Variants in NRG2 observed in about 807,000 individuals in gnomAD.
The protein encoded by NRG2 is pro-neuregulin-2, membrane-bound isoform.
In NRG2, 27 loss-of-function variants were observed where a neutral mutation model predicts 73.9. The ratio of observed to expected loss-of-function variants is 0.37; its 90% CI spans 0.27 to 0.50. NRG2 has a LOEUF of 0.50. Ranked by LOEUF, NRG2 falls within the 20% of genes least tolerant of loss-of-function variation. The pLI, the probability that NRG2 is intolerant of heterozygous loss-of-function variation, is 0.96. For missense variants in NRG2, 1,126 were observed against 1,210.1 expected, an observed-to-expected ratio of 0.93 and a Z score of 1.03; for synonymous variants, 532 against 541.0, an observed-to-expected ratio of 0.98 and a Z score of 0.23.
At chr5:139,957,921 C>T (rs114996437) in intron 1 of NRG2, among the ~76,000 whole-genome samples, 1,995 of 152,200 alleles carry the variant, frequency 0.013, 28 homozygotes, top group Non-Finnish European at 0.022. Context: ...TTTCCACTTC[C>T]TATGGGCGCT....
chr5:139,854,212 A>G (rs775478711), intron 6 of NRG2, among the ~76,000 whole-genome samples: 34 of 152,168 alleles, frequency 2.2e-4, no homozygotes, highest in Non-Finnish European at 3.7e-4. Context: ...ATCCCCCACT[A>G]TGCCCAGCCC....
At position 139,974,077 on chromosome 5, in the gene NRG2, T is replaced by C. The variant is rs74292604; in HGVS notation, c.700+68293A>G. Among the ~76,000 whole-genome samples, 230 of 152,244 alleles carry C rather than the reference T, an allele frequency of 1.5e-3. 4 individuals are homozygous for C. The highest frequency in any genetic ancestry group is 0.013 in the East Asian group (66 of 5,184). On this transcript the variant is annotated intron_variant, in intron 1 of 9. Transcript: ENST00000361474. ...TAAAAATGTTTTTTAAAAGCAAAAC[T>C]AGGAGCCACTTACAATTCCTACATA... is the stretch of plus-strand genomic sequence containing the variant.
chr5:139,931,711 A>G (rs926950192), intron 1 of NRG2, among the ~76,000 whole-genome samples: 2 of 152,254 alleles, frequency 1.3e-5, no homozygotes, highest in African/African-American at 4.8e-5. Context: ...ACATTTTAAA[A>G]TGGATTACAG....
chr5:139,861,331 C>T (rs1338472830), intron 5 of NRG2, among the ~76,000 whole-genome samples: 1 of 152,196 alleles, frequency 6.6e-6, no homozygotes, highest in Non-Finnish European at 1.5e-5. Context: ...AAGGCGAGCA[C>T]GTGGCAATCC....
intron 1 of NRG2, among the ~76,000 whole-genome samples, chr5:139,924,263 ACT>A (rs1751887341): frequency 6.6e-6 from 1 of 152,160 alleles, no homozygotes; most frequent in Admixed American, 6.5e-5. Flanking sequence ...TCAGAACTGA[ACT>A]CTCTCACAAG....
chr5:139,992,461 T>A (rs552945169), intron 1 of NRG2, among the ~76,000 whole-genome samples: 1 of 152,330 alleles, frequency 6.6e-6, no homozygotes, highest in African/African-American at 2.4e-5. Context: ...CTCATTCTTT[T>A]GTCTCTCATT....
chr5:140,042,900 G>A lies in NRG2; in HGVS notation c.170C>T (p.Ser57Phe), dbSNP rs1227624204. 1 of 1,528,684 alleles carries A rather than the reference G, an allele frequency of 6.5e-7. No homozygotes were observed. The highest frequency in any genetic ancestry group is 2.0e-5 in the Admixed American group (1 of 50,360). 94.7% of individuals were successfully genotyped at this position (1,528,684 alleles called of 1,614,324 possible). ...CGGCTCTGGGGGCGCAGCGGGACGA[G>A]AGATGCTGCTGTTGTTGCTGCTGCT... is the stretch of plus-strand genomic sequence containing the variant. ...SRSSSNNSSI[S>F]RPAAPPEPRP... The change falls in exon 1 of 10, where the codon TCT becomes TTT. Residue 57 changes from serine (S) to phenylalanine (F), a missense_variant. By Grantham distance (155) the Ser-to-Phe change is radical. Coordinates refer to ENST00000361474, the MANE Select transcript of NRG2 (RefSeq NM_004883.3).
chr5:139,998,356 TA>T (rs1758184387), intron 1 of NRG2, among the ~76,000 whole-genome samples: 1 of 152,174 alleles, frequency 6.6e-6, no homozygotes, highest in Admixed American at 6.5e-5. Flanking sequence ...TCAACATTTG[TA>T]TATCCAGACC....
intron 1 of NRG2, among the ~76,000 whole-genome samples, chr5:139,924,502 T>A (rs73791245): frequency 0.013 from 1,937 of 152,350 alleles, 30 homozygotes; most frequent in African/African-American, 0.044. Context: ...ATTCCCTTGT[T>A]CATAACTTCT....
chr5:139,934,892 C>T lies in NRG2; in HGVS notation c.701-47381G>A, dbSNP rs536638157. Among the ~76,000 whole-genome samples the T allele has an allele frequency of 1.1e-3, 160 of 152,252 alleles. 1 individual carries two copies. The highest frequency in any genetic ancestry group is 2.7e-3 in the African/African-American group (114 of 41,544). On this transcript the variant is annotated intron_variant, in intron 1 of 9. Coordinates refer to ENST00000361474, the MANE Select transcript of NRG2 (RefSeq NM_004883.3). ...AAGAAATAACAATCCTGGCCGGGCG[C>T]GGTGGCTCATGCCTGTAATCCCAGC...
chr5:139,876,550 C>A (rs1477747256), intron 3 of NRG2, among the ~76,000 whole-genome samples: 1 of 151,900 alleles, frequency 6.6e-6, no homozygotes, highest in Non-Finnish European at 1.5e-5. Flanking sequence ...TTTTGATGAA[C>A]CGTTAGTGTC....
intron 1 of NRG2, among the ~76,000 whole-genome samples, chr5:139,896,101 C>T (rs961849076): frequency 3.9e-5 from 6 of 151,994 alleles, no homozygotes; most frequent in African/African-American, 1.5e-4. Flanking sequence ...AAGGGGGAGG[C>T]ACCCTGTACA....
At chr5:139,934,760 GAAGGCTT>G (rs1295973791) in intron 1 of NRG2, among the ~76,000 whole-genome samples, 1 of 152,224 alleles carries the variant, frequency 6.6e-6, no homozygotes, top group Non-Finnish European at 1.5e-5. Flanking sequence ...CTAGCCAAAA[GAAGGCTT>G]AAGTGACTGT....
intron 1 of NRG2, among the ~76,000 whole-genome samples, chr5:140,034,564 C>T (rs1259730044): frequency 6.6e-6 from 1 of 151,946 alleles, no homozygotes; most frequent in African/African-American, 2.4e-5. Context: ...TCATTGACCA[C>T]ACAATTATGT....
Position 140,043,225 on chromosome 5 carries a change from C to T in NRG2, c.-156G>A. 3.8e-6 allele frequency: 3 copies of T among 779,478 alleles called. No homozygotes were observed. Among genetic ancestry groups the T allele is most frequent in the South Asian group, 1.9e-5 (1 of 51,294 alleles). The allele number at this position is 779,478 out of a possible 1,614,324, so 48.3% of individuals were successfully genotyped here. On this transcript the variant is annotated 5_prime_UTR_variant, in exon 1 of 10. Transcript: ENST00000361474. The surrounding 1 kb of genome is among the most constrained non-coding windows in gnomAD (Gnocchi z 6.7). ...TGGCCCAGCTAGGGCAGGGGGCAGGCGGCAAGCGGGCCGCGATGCGCAGCG... is the reference window on the plus strand; with the variant it reads ...TGGCCCAGCTAGGGCAGGGGGCAGGTGGCAAGCGGGCCGCGATGCGCAGCG...
intron 4 of NRG2, among the ~76,000 whole-genome samples, chr5:139,867,805 T>TGTATGA (rs1581811094): frequency 3.1e-5 from 4 of 127,166 alleles, no homozygotes; most frequent in East Asian, 4.2e-4. Flanking sequence ...TGTATGAGTG[T>TGTATGA]GTGTGTGTGT....
At chr5:139,962,257 C>T (rs1270972569) in intron 1 of NRG2, among the ~76,000 whole-genome samples, 4 of 152,014 alleles carry the variant, frequency 2.6e-5, no homozygotes, top group Admixed American at 6.6e-5. Flanking sequence ...AGTGCCAGAA[C>T]GGGGGATAGC....
Position 139,865,217 on chromosome 5 carries a change from A to G in NRG2, c.1189+332T>C, listed in dbSNP as rs778816275. 2 of 1,539,360 alleles carry G rather than the reference A, an allele frequency of 1.3e-6. No homozygotes were observed. Among genetic ancestry groups the G allele is most frequent in the African/African-American group, 2.7e-5 (2 of 73,468 alleles). Reference sequence around the variant, plus strand: ...CCAGAAAGAGAGAGCCAGGATAGCAAGACACAGGCATTGCAACACCCCGGC... The same window carrying G: ...CCAGAAAGAGAGAGCCAGGATAGCAGGACACAGGCATTGCAACACCCCGGC... On this transcript the variant is annotated intron_variant, in intron 5 of 9. Coordinates refer to ENST00000361474, the MANE Select transcript of NRG2 (RefSeq NM_004883.3). This position sits in a 1 kb window ranked among gnomAD's most constrained non-coding sequence, Gnocchi z 5.2.
intron 1 of NRG2, among the ~76,000 whole-genome samples, chr5:139,923,084 A>T (rs865834193): frequency 6.6e-6 from 1 of 152,200 alleles, no homozygotes; most frequent in African/African-American, 2.4e-5. Context: ...AGTGAACTCT[A>T]GTGTAAACTA....
Sources: allele counts gnomAD v4.1 joint callset (sites outside exome capture counted in the v4.1 genomes callset), GRCh38; gene constraint gnomAD v4.1.1; non-coding constraint Gnocchi (gnomAD v3.1); transcripts MANE v1.5; gene names NCBI Gene and HGNC (gene_info 2026-07-23, HGNC 2026-07-21).